The following ISL1 variants were observed in gnomAD, a reference collection of about 807,000 sequenced individuals.
ISL1 encodes the protein insulin gene enhancer protein ISL-1.
In ISL1, 4 loss-of-function variants were observed where a neutral mutation model predicts 35.3. The observed-to-expected ratio is 0.11, with a 90% confidence interval of 0.06 to 0.26. The LOEUF is 0.26. Among genes scored for constraint, ISL1 ranks in the 10% least tolerant of loss-of-function variants. The pLI, the probability that ISL1 is intolerant of heterozygous loss-of-function variation, is 1.00. For synonymous variants in ISL1, 186 were observed against 172.3 expected (o/e 1.08, Z -0.62); for missense variants, 340 against 472.8 (o/e 0.72, Z 2.60).
chr5:51,384,445 T>A, intron 1 of ISL1, 96 bp from the exon 2 acceptor site: 70 of 982,358 alleles, frequency 7.1e-5, no homozygotes, highest in Non-Finnish European at 1.0e-4. Context: ...GAAAAAAACC[T>A]CCCAGAGTAC....
chr5:51,391,634 T>A (rs1305768545), intron 5 of ISL1, among the ~76,000 whole-genome samples, 193 bp downstream of exon 5: 1 of 151,960 alleles, frequency 6.6e-6, no homozygotes, highest in African/African-American at 2.4e-5. Context: ...TTTTTTTTTT[T>A]AATGAGACTG....
intron 3 of ISL1, among the ~76,000 whole-genome samples, chr5:51,388,055 C>G (rs191400307): frequency 6.6e-6 from 1 of 152,242 alleles, no homozygotes; most frequent in East Asian, 1.9e-4. Context: ...TTCGCTCTGG[C>G]CTCCAAACCT....
At chr5:51,391,944 C>A (rs985317871) in intron 5 of ISL1, among the ~76,000 whole-genome samples, 1 of 152,138 alleles carries the variant, frequency 6.6e-6, no homozygotes, top group African/African-American at 2.4e-5. Flanking sequence ...CAATAAACAG[C>A]AGGCATGTGT....
intron 5 of ISL1, among the ~76,000 whole-genome samples, chr5:51,392,716 G>A (rs1264984060): frequency 6.6e-6 from 1 of 152,208 alleles, no homozygotes; most frequent in Non-Finnish European, 1.5e-5. Flanking sequence ...GCAGCCAAAT[G>A]TTTGCACTTT....
At chr5:51,384,415 AAAAGAAAG>A (rs549402752) in intron 1 of ISL1, 118 bp from the exon 2 acceptor site, 9 of 783,090 alleles carry the variant, frequency 1.1e-5, no homozygotes, top group African/African-American at 1.8e-5. Context: ...AAAAAAAAAA[AAAAGAAAG>A]AAAGAAAGAA....
At position 51,389,578 on chromosome 5, in the gene ISL1, C is replaced by G; in HGVS notation, c.479-68C>G. The G allele has an allele frequency of 7.4e-7, 1 of 1,354,730 alleles. No homozygotes were observed. The highest frequency in any genetic ancestry group is 9.5e-7 in the Non-Finnish European group (1 of 1,053,714). 83.9% of individuals were successfully genotyped at this position (1,354,730 alleles called of 1,614,324 possible). A position where few individuals can be genotyped will look rare whatever the true frequency, so the allele number is the denominator to read the frequency against. On this transcript the variant is annotated intron_variant, in intron 3 of 5. Coordinates refer to ENST00000230658, the MANE Select transcript of ISL1 (RefSeq NM_002202.3). This position sits in a 1 kb window ranked among gnomAD's most constrained non-coding sequence, Gnocchi z 5.0. ...GCGGGCAAGCGAGCGAGCGAGCGAG[C>G]GCGCGACCGCGGGCGGGCCGGCAAG...
At chr5:51,384,804 T>G in intron 2 of ISL1, 74 bp downstream of exon 2, 1 of 1,406,844 alleles carries the variant, frequency 7.1e-7, no homozygotes, top group Admixed American at 1.7e-5. Context: ...TATTATTTGG[T>G]GTGGCTTTGT....
chr5:51,390,231 G>A (rs10053893), intron 4 of ISL1, among the ~76,000 whole-genome samples: 1 of 152,314 alleles, frequency 6.6e-6, no homozygotes, highest in South Asian at 2.1e-4. Context: ...GTGAACCGGA[G>A]AAACGCCGTC....
rs777485181 is a variant in ISL1 at position 51,384,701 on chromosome 5, G to A, written c.189G>A (p.Gly63=). Residue 63 remains glycine (G), a synonymous_variant, in exon 2 of 6, where the codon GGG becomes GGA. Transcript: ENST00000230658. ...DESCTCFVRD[G]KTYCKRDYIR... ...GCTGTACATGCTTTGTTAGGGATGGGAAAACCTACTGTAAAAGAGATTATA... is the reference window on the plus strand; with the variant it reads ...GCTGTACATGCTTTGTTAGGGATGGAAAAACCTACTGTAAAAGAGATTATA... 6 of 1,613,944 alleles carry A rather than the reference G, an allele frequency of 3.7e-6. No homozygotes were observed. The African/African-American group carries it at 8.0e-5, about 22-fold the overall frequency.
chr5:51,392,441 T>C (rs916828981), intron 5 of ISL1, among the ~76,000 whole-genome samples: 4 of 152,198 alleles, frequency 2.6e-5, no homozygotes, highest in Non-Finnish European at 1.5e-5. Flanking sequence ...CATATTTACC[T>C]GGAGGGCATT....
intron 4 of ISL1, among the ~76,000 whole-genome samples, chr5:51,390,636 C>CTTTTCTTTTT (rs1747476771): frequency 1.3e-5 from 1 of 74,328 alleles, no homozygotes; most frequent in African/African-American, 4.2e-5. Flanking sequence ...TCTTTTCTTT[C>CTTTTCTTTTT]TTTTTCTTTT....
At chr5:51,383,812 GA>G in intron 1 of ISL1, 113 bp downstream of exon 1, 1 of 944,880 alleles carries the variant, frequency 1.1e-6, no homozygotes, top group Admixed American at 1.7e-5. Context: ...ATTGCCTGGA[GA>G]AAGAGAAAAG....
At chr5:51,392,142 T>C (rs936837177) in intron 5 of ISL1, among the ~76,000 whole-genome samples, 6 of 152,198 alleles carry the variant, frequency 3.9e-5, no homozygotes, top group Admixed American at 1.3e-4. Flanking sequence ...ACATGAGCTC[T>C]ACCAATCAGA....
Position 51,391,414 on chromosome 5 carries a change from C to T in ISL1, c.906C>T (p.Asp302=), listed in dbSNP as rs758242180. Residue 302 remains aspartate, a synonymous_variant, in exon 5 of 6, where the codon GAC becomes GAT. Coordinates refer to ENST00000230658, the MANE Select transcript of ISL1 (RefSeq NM_002202.3). ...TGAGCGACTTCGCCTTGCAGAGTGACATAGATCAGCCTGCTTTTCAGCAAC... is the reference window on the plus strand; with the variant it reads ...TGAGCGACTTCGCCTTGCAGAGTGATATAGATCAGCCTGCTTTTCAGCAAC... ...KVLSDFALQS[D]IDQPAFQQLV... 1 of 1,614,060 alleles carries T rather than the reference C, an allele frequency of 6.2e-7. No individual in the cohort carries two copies.
At chr5:51,391,510 T>G (rs1747514206) in intron 5 of ISL1, 69 bp downstream of exon 5, 1 of 1,572,582 alleles carries the variant, frequency 6.4e-7, no homozygotes, top group Non-Finnish European at 8.7e-7. Flanking sequence ...CTGTCACACA[T>G]TGAAAGATTC....
At chr5:51,390,040 CA>C in intron 4 of ISL1, 108 bp downstream of exon 4, 1 of 1,332,794 alleles carries the variant, frequency 7.5e-7, no homozygotes, top group Non-Finnish European at 1.0e-6. Context: ...TGCTCCTGGG[CA>C]GGAGTTTGGC....
chr5:51,393,904 T>C lies in ISL1; in HGVS notation c.*294T>C, dbSNP rs1747575680. 1 of 413,048 alleles carries C rather than the reference T, an allele frequency of 2.4e-6. No homozygotes were observed. Among genetic ancestry groups the C allele is most frequent in the South Asian group, 2.5e-5 (1 of 39,668 alleles). The allele number at this position is 413,048 out of a possible 1,614,324, so 25.6% of individuals were successfully genotyped here. A position where few individuals can be genotyped will look rare whatever the true frequency, so the allele number is the denominator to read the frequency against. Reference sequence around the variant, plus strand: ...AAAGACGTTTTTAAAACGTAGAGGATTTATATTCAAGGATCTCAAAGAAAG... The same window carrying C: ...AAAGACGTTTTTAAAACGTAGAGGACTTATATTCAAGGATCTCAAAGAAAG... On this transcript the variant is annotated 3_prime_UTR_variant, in exon 6 of 6. Transcript: ENST00000230658.
At chr5:51,384,191 T>C (rs1747282311) in intron 1 of ISL1, among the ~76,000 whole-genome samples, 2 of 146,786 alleles carry the variant, frequency 1.4e-5, no homozygotes, top group Non-Finnish European at 3.0e-5. Flanking sequence ...TCAAAACCTT[T>C]TCTTTGACTT....
chr5:51,387,627 A>G lies in ISL1; in HGVS notation c.356A>G (p.Glu119Gly). Reference sequence around the variant, plus strand: ...AGCCGCCAGCTCATCCCTGGGGACGAATTTGCGCTTCGGGAGGACGGTCTC... The same window carrying G: ...AGCCGCCAGCTCATCCCTGGGGACGGATTTGCGCTTCGGGAGGACGGTCTC... ...ACSRQLIPGD[E>G]FALREDGLFC... Residue 119 changes from glutamate (E) to glycine (G), a missense_variant, in exon 3 of 6, where the codon GAA (glutamate) becomes GGA (glycine). Glu to Gly is a moderately conservative substitution (Grantham distance 98). This residue lies in a region of ISL1 where 94 missense variants were observed against 102.1 expected (regional missense o/e 0.92). Coordinates refer to ENST00000230658, the MANE Select transcript of ISL1 (RefSeq NM_002202.3). The surrounding 1 kb of genome is among the most constrained non-coding windows in gnomAD (Gnocchi z 4.3). 1 of 1,614,200 alleles carries G rather than the reference A, an allele frequency of 6.2e-7. No individual in the cohort carries two copies. Among genetic ancestry groups the G allele is most frequent in the Non-Finnish European group, 8.5e-7 (1 of 1,180,046 alleles).
Sources: allele counts gnomAD v4.1 joint callset (sites outside exome capture counted in the v4.1 genomes callset), GRCh38; gene constraint gnomAD v4.1.1; regional missense constraint gnomAD v4.1.1; non-coding constraint Gnocchi (gnomAD v3.1); transcripts MANE v1.5; gene names NCBI Gene and HGNC (gene_info 2026-07-23, HGNC 2026-07-21).